Variants in DECR1 observed in about 807,000 individuals in gnomAD.
The protein encoded by DECR1 is 2,4-dienoyl-CoA reductase 1.
DECR1 carries 44 observed loss-of-function variants against 38.8 expected under a neutral mutation model. The observed-to-expected ratio is 1.13, with a 90% CI of 0.89 to 1.46. The LOEUF (loss-of-function observed/expected upper bound fraction) is 1.46. Ranked by LOEUF, DECR1 falls within the 40% of genes most tolerant of loss-of-function variation. The pLI is 0.00. For synonymous variants in DECR1, 148 were observed against 135.2 expected, an observed-to-expected ratio of 1.09 and a Z score of -0.66; for missense variants, 428 against 405.5, an observed-to-expected ratio of 1.06 and a Z score of -0.48.
intron 4 of DECR1, 38 bp downstream of exon 4, chr8:90,019,210 T>C (rs1453091506): frequency 1.3e-6 from 2 of 1,518,986 alleles, no homozygotes; most frequent in Non-Finnish European, 1.8e-6. Flanking sequence ...TGCAAGACAC[T>C]TGATGTTGAT....
chr8:90,029,360 T>A (rs1293544614), intron 5 of DECR1: 1 of 152,182 alleles, frequency 6.6e-6, no homozygotes, highest in Non-Finnish European at 1.5e-5. Flanking sequence ...TGGAAATAAC[T>A]TTTAAGAACC....
Position 90,045,002 on chromosome 8 carries a change from G to A in DECR1, c.885+7G>A, listed in dbSNP as rs549904950. On this transcript the variant is annotated splice_region_variant and intron_variant, in intron 8 of 9. Coordinates refer to ENST00000220764, the MANE Select transcript of DECR1 (RefSeq NM_001359.2). Reference sequence around the variant, plus strand: ...TTCTTGGATTAATGGAGCAGTAAGCGTTGTTTATTTCTCTTCACTTTTTTT... The same window carrying A: ...TTCTTGGATTAATGGAGCAGTAAGCATTGTTTATTTCTCTTCACTTTTTTT... 9.9e-6 allele frequency: 16 copies of A among 1,613,494 alleles called. No homozygotes were observed. The highest frequency in any genetic ancestry group is 1.6e-4 in the Middle Eastern group (1 of 6,076).
At position 90,051,666 on chromosome 8, in the gene DECR1, G is replaced by T; in HGVS notation, c.886-11G>T. On this transcript the variant is annotated splice_polypyrimidine_tract_variant and intron_variant, in intron 8 of 9. Coordinates refer to ENST00000220764, the MANE Select transcript of DECR1 (RefSeq NM_001359.2). ...AGTTAGTTTCAGAGTTTAAAAATTT[G>T]TTTTTTCCAGGTCATTAAATTTGAC... is the stretch of plus-strand genomic sequence containing the variant. 1 of 1,609,524 alleles carries T rather than the reference G, an allele frequency of 6.2e-7. No homozygotes were observed. The highest frequency in any genetic ancestry group is 8.5e-7 in the Non-Finnish European group (1 of 1,178,778).
At chr8:90,002,505 AATATCC>A (rs200249159) in intron 1 of DECR1, among the ~76,000 whole-genome samples, 2,012 of 152,288 alleles carry the variant, frequency 0.013, 39 homozygotes, top group African/African-American at 0.045. Flanking sequence ...AAGAAGCAAT[AATATCC>A]AAGACAAGCC....
At chr8:90,016,969 A>G (rs1813023115) in intron 1 of DECR1, 155 bp from the exon 2 acceptor site, 1 of 608,600 alleles carries the variant, frequency 1.6e-6, no homozygotes, top group Non-Finnish European at 2.8e-6. Context: ...TCAGAAAACA[A>G]AGAATAATAA....
intron 1 of DECR1, among the ~76,000 whole-genome samples, chr8:90,012,587 A>C (rs1309622471): frequency 6.6e-6 from 1 of 152,196 alleles, no homozygotes; most frequent in East Asian, 1.9e-4. Context: ...ATAAGACTAC[A>C]TGTCTGTATC....
chr8:90,044,940 T>C lies in DECR1; in HGVS notation c.830T>C (p.Leu277Pro). Residue 277 changes from leucine (L) to proline (P), a missense_variant, in exon 8 of 10, where the codon CTC becomes CCC. Coordinates refer to ENST00000220764, the MANE Select transcript of DECR1 (RefSeq NM_001359.2). ...GGTCGCCTGGGGACTGTAGAAGAAC[T>C]CGCAAATCTTGCTGCTTTCCTTTGT... ...PCGRLGTVEE[L>P]ANLAAFLCSD... 6.2e-7 allele frequency: 1 copy of C among 1,613,988 alleles called. No individual in the cohort carries two copies. Among genetic ancestry groups the C allele is most frequent in the East Asian group, 2.2e-5 (1 of 44,870 alleles).
intron 5 of DECR1, among the ~76,000 whole-genome samples, chr8:90,035,931 AT>A (rs111363097): frequency 6.6e-6 from 1 of 150,538 alleles, no homozygotes; most frequent in African/African-American, 2.4e-5. Flanking sequence ...CTACTAAGGC[AT>A]TTTTTTTTCT....
chr8:90,020,736 TAGG>T (rs771594635), intron 4 of DECR1, among the ~76,000 whole-genome samples, 170 bp from the exon 5 acceptor site: 1 of 152,166 alleles, frequency 6.6e-6, no homozygotes, highest in Non-Finnish European at 1.5e-5. Flanking sequence ...GTAACTAACG[TAGG>T]AGGTTTTCAC....
At chr8:90,012,128 T>C (rs1355748033) in intron 1 of DECR1, among the ~76,000 whole-genome samples, 1 of 151,964 alleles carries the variant, frequency 6.6e-6, no homozygotes, top group Non-Finnish European at 1.5e-5. Flanking sequence ...AGTACTTGTA[T>C]AGATTGATTT....
chr8:90,024,756 G>T (rs187043518), intron 5 of DECR1, among the ~76,000 whole-genome samples: 10 of 152,234 alleles, frequency 6.6e-5, no homozygotes, highest in Non-Finnish European at 1.5e-4. Flanking sequence ...GGCTTTTGTG[G>T]CCATTGCTTT....
intron 1 of DECR1, chr8:90,005,885 G>A (rs1408643920): frequency 5.7e-6 from 2 of 353,950 alleles, no homozygotes; most frequent in South Asian, 6.1e-5. Flanking sequence ...GAAGTGAGGG[G>A]GTGTTGGGAG....
At position 90,024,741 on chromosome 8, in the gene DECR1, A is replaced by G. The variant is rs552521122; in HGVS notation, c.565+3685A>G. 3.3e-5 allele frequency among the ~76,000 whole-genome samples: 5 copies of G among 152,232 alleles called. No individual in the cohort carries two copies. In the South Asian group the frequency reaches 1.0e-3, roughly 32 times the overall value. On this transcript the variant is annotated intron_variant, in intron 5 of 9. Transcript: ENST00000220764. ...TAGTTTAATTAGATCCCGTTTGTCTATTTTGGCTTTTGTGGCCATTGCTTT... is the reference window on the plus strand; with the variant it reads ...TAGTTTAATTAGATCCCGTTTGTCTGTTTTGGCTTTTGTGGCCATTGCTTT...
intron 5 of DECR1, among the ~76,000 whole-genome samples, chr8:90,026,478 C>T (rs1008912137): frequency 2.6e-5 from 4 of 152,128 alleles, no homozygotes; most frequent in African/African-American, 9.7e-5. Flanking sequence ...AGGAATGTAT[C>T]CATTTCTTCC....
chr8:90,046,533 G>C (rs1290025027), intron 8 of DECR1, among the ~76,000 whole-genome samples: 2 of 152,196 alleles, frequency 1.3e-5, no homozygotes, highest in Non-Finnish European at 2.9e-5. Context: ...AGAAATATGG[G>C]ACTATGTGAA....
intron 5 of DECR1, among the ~76,000 whole-genome samples, chr8:90,022,183 G>A (rs908965237): frequency 1.3e-5 from 2 of 152,160 alleles, no homozygotes; most frequent in Non-Finnish European, 2.9e-5. Context: ...TGTCCTTTGA[G>A]GGTTGAGGGG....
intron 1 of DECR1, among the ~76,000 whole-genome samples, chr8:90,013,379 A>C (rs1402826589): frequency 1.3e-5 from 2 of 150,558 alleles, no homozygotes; most frequent in Non-Finnish European, 2.9e-5. Context: ...TTCCAAAATA[A>C]AAGCCTTGCC....
intron 5 of DECR1, among the ~76,000 whole-genome samples, chr8:90,031,512 A>G (rs1813493792): frequency 6.6e-6 from 1 of 152,190 alleles, no homozygotes; most frequent in Admixed American, 6.6e-5. Context: ...TGTTTAAATG[A>G]GAAAAGTGTT....
At chr8:90,018,559 A>G (rs1390516082) in intron 2 of DECR1, 4 of 163,578 alleles carry the variant, frequency 2.4e-5, no homozygotes, top group Non-Finnish European at 4.0e-5. Context: ...GTGAGACTGC[A>G]TGAATAAATG....
Sources: gnomAD v4.1 joint callset for allele counts (sites outside exome capture counted in the v4.1 genomes callset) on GRCh38, gnomAD v4.1.1 for gene constraint, MANE v1.5 for transcripts, NCBI Gene and HGNC (gene_info 2026-07-23, HGNC 2026-07-21) for gene names.